The following COL15A1 variants were observed in gnomAD, a reference collection of about 807,000 sequenced individuals.
COL15A1 encodes collagen alpha-1(XV) chain.
In COL15A1, 111 loss-of-function variants were observed where a neutral mutation model predicts 165.9. The observed-to-expected ratio is 0.67, with a 90% CI of 0.57 to 0.78. The LOEUF (loss-of-function observed/expected upper bound fraction) is 0.78. Ranked by LOEUF, COL15A1 falls within the 30% of genes least tolerant of loss-of-function variation. The pLI is 0.00. For missense variants in COL15A1, 1,745 were observed against 1,789.7 expected (o/e 0.98, Z 0.45); for synonymous variants, 659 against 674.8 (o/e 0.98, Z 0.36).
intron 2 of COL15A1, among the ~76,000 whole-genome samples, chr9:98,946,594 T>G (rs1837587559): frequency 6.6e-6 from 1 of 152,212 alleles, no homozygotes; most frequent in Non-Finnish European, 1.5e-5. Context: ...TGTAACTGGG[T>G]AGATCCATAA....
intron 9 of COL15A1, among the ~76,000 whole-genome samples, chr9:99,011,531 C>T (rs1838848361): frequency 6.6e-6 from 1 of 151,028 alleles, no homozygotes; most frequent in African/African-American, 2.4e-5. Flanking sequence ...CTATAACTTT[C>T]TTTACATCTC....
chr9:98,967,172 C>T (rs1293538742), intron 2 of COL15A1, among the ~76,000 whole-genome samples: 1 of 152,188 alleles, frequency 6.6e-6, no homozygotes, highest in Non-Finnish European at 1.5e-5. Context: ...AGGTGAGGAA[C>T]AGATAACAGA....
In COL15A1 at chr9:99,066,948, C is replaced by A; in HGVS notation, c.3718C>A (p.Gln1240Lys). 6.2e-7 allele frequency: 1 copy of A among 1,614,110 alleles called. No individual in the cohort carries two copies. Among genetic ancestry groups the A allele is most frequent in the Non-Finnish European group, 8.5e-7 (1 of 1,180,008 alleles). The change falls in exon 40 of 42, where the codon CAG becomes AAG. Residue 1240 changes from glutamine (Q) to lysine (K), a missense_variant. By Grantham distance (53) the Gln-to-Lys change is moderately conservative. Transcript: ENST00000375001. ...DIRADFQCFK[Q>K]ARAAGLLSTY... ...TCGAGCTGATTTTCAGTGCTTCAAG[C>A]AGGCCAGAGCTGCAGGACTGTTGTC...
chr9:98,987,391 A>G (rs1159023993), intron 4 of COL15A1, 23 bp downstream of exon 4: 1 of 1,588,948 alleles, frequency 6.3e-7, no homozygotes, highest in Non-Finnish European at 8.6e-7. Context: ...ACTATCCCAC[A>G]GTGGGCCCTG....
chr9:99,038,857 T>C (rs896769858), intron 22 of COL15A1, 124 bp downstream of exon 22: 1 of 623,424 alleles, frequency 1.6e-6, no homozygotes, highest in Admixed American at 2.7e-5. Context: ...CAAAGTAGAA[T>C]GGAAAGAAAG....
At chr9:99,066,323 T>A (rs993068474) in intron 39 of COL15A1, among the ~76,000 whole-genome samples, 4 of 152,184 alleles carry the variant, frequency 2.6e-5, no homozygotes, top group African/African-American at 9.7e-5. Flanking sequence ...AGACCCCTAG[T>A]TCCAGAAGGG....
intron 2 of COL15A1, among the ~76,000 whole-genome samples, chr9:98,954,195 A>G (rs1837737788): frequency 6.6e-6 from 1 of 150,806 alleles, no homozygotes; most frequent in Non-Finnish European, 1.5e-5. Context: ...GGATGTGAGA[A>G]GTGTTTGTAA....
chr9:99,024,723 C>T (rs770541307), intron 14 of COL15A1, 151 bp from the exon 15 acceptor site: 257 of 767,842 alleles, frequency 3.3e-4, no homozygotes, highest in Non-Finnish European at 4.8e-4. Flanking sequence ...CGCATGGTCT[C>T]ACTGAGCCTT....
Position 99,061,992 on chromosome 9 carries a change from G to A in COL15A1, c.3424G>A (p.Asp1142Asn). The change falls in exon 37 of 42, where the codon GAT becomes AAT. Residue 1142 changes from aspartate (D) to asparagine (N), a missense_variant. Transcript: ENST00000375001. Reference sequence around the variant, plus strand: ...ACAGGTCACAGCATTCAGCAACATGGATGACATGCTGCAGAAAGCGCATTT... The same window carrying A: ...ACAGGTCACAGCATTCAGCAACATGAATGACATGCTGCAGAAAGCGCATTT... ...RNLVTAFSNM[D>N]DMLQKAHLVI... 2 of 1,613,682 alleles carry A rather than the reference G, an allele frequency of 1.2e-6. No homozygotes were observed. The highest frequency in any genetic ancestry group is 1.7e-5 in the Admixed American group (1 of 59,916).
At chr9:98,949,349 T>G (rs1278715365) in intron 2 of COL15A1, among the ~76,000 whole-genome samples, 1 of 152,254 alleles carries the variant, frequency 6.6e-6, no homozygotes, top group African/African-American at 2.4e-5. Context: ...TGAACATTCT[T>G]GTACATTTCT....
rs555467454 is a variant in COL15A1, at chr9:98,994,159, G to T, written c.805-2775G>T. 9.9e-3 allele frequency among the ~76,000 whole-genome samples: 1,507 copies of T among 151,492 alleles called. 15 individuals carry two copies. Among genetic ancestry groups the T allele is most frequent in the Non-Finnish European group, 0.017 (1,175 of 67,796 alleles). On this transcript the variant is annotated intron_variant, in intron 5 of 41. Coordinates refer to ENST00000375001, the MANE Select transcript of COL15A1 (RefSeq NM_001855.5). ...GGTTGGGGAGGCACTGTGTTGGGGGGATTGGTCTTTAAAAGCAGATTCTTG... is the reference window on the plus strand; with the variant it reads ...GGTTGGGGAGGCACTGTGTTGGGGGTATTGGTCTTTAAAAGCAGATTCTTG...
intron 14 of COL15A1, 129 bp from the exon 15 acceptor site, chr9:99,024,745 C>A: frequency 9.4e-7 from 1 of 1,061,370 alleles, no homozygotes; most frequent in Non-Finnish European, 1.4e-6. Context: ...TTTTCCGCAT[C>A]TGCTAAGTGG....
chr9:99,063,291 G>T (rs1483916401), intron 39 of COL15A1, among the ~76,000 whole-genome samples, 182 bp downstream of exon 39: 2 of 152,158 alleles, frequency 1.3e-5, no homozygotes, highest in African/African-American at 4.8e-5. Context: ...AGCACAGGGT[G>T]CTGGGGGTAT....
chr9:99,040,275 C>A (rs990270260), intron 22 of COL15A1, among the ~76,000 whole-genome samples: 2 of 152,200 alleles, frequency 1.3e-5, no homozygotes, highest in Non-Finnish European at 2.9e-5. Context: ...GTCCCTGGGC[C>A]TTGTCTGCCT....
intron 2 of COL15A1, among the ~76,000 whole-genome samples, chr9:98,945,935 C>T (rs1398689666): frequency 6.6e-6 from 1 of 152,122 alleles, no homozygotes; most frequent in African/African-American, 2.4e-5. Flanking sequence ...GTTTCTAACA[C>T]AAAGGAAGCC....
In COL15A1 at chr9:99,030,430, C is replaced by A. The variant is rs555746424; in HGVS notation, c.2044-4119C>A. Among the ~76,000 whole-genome samples the A allele has an allele frequency of 2.0e-5, 3 of 152,300 alleles. No individual in the cohort carries two copies. The East Asian group carries it at 5.8e-4, about 29-fold the overall frequency. Reference sequence around the variant, plus strand: ...TGTTCATTGGAGCTCCTCCTTTTCACCCTGCCTGTTCACATAAGTTCCAGT... The same window carrying A: ...TGTTCATTGGAGCTCCTCCTTTTCAACCTGCCTGTTCACATAAGTTCCAGT... On this transcript the variant is annotated intron_variant, in intron 16 of 41. Transcript: ENST00000375001.
intron 28 of COL15A1, among the ~76,000 whole-genome samples, chr9:99,049,473 C>A (rs1839548363): frequency 6.6e-6 from 1 of 152,210 alleles, no homozygotes; most frequent in African/African-American, 2.4e-5. Context: ...TAACCAGAGA[C>A]AATACTTGTT....
intron 23 of COL15A1, chr9:99,040,849 G>A: frequency 2.3e-6 from 1 of 444,062 alleles, no homozygotes; most frequent in African/African-American, 2.0e-5. Flanking sequence ...TTTTCTAAAG[G>A]CACATATCAT....
intron 2 of COL15A1, among the ~76,000 whole-genome samples, chr9:98,962,010 G>A (rs1837873969): frequency 6.6e-6 from 1 of 152,246 alleles, no homozygotes; most frequent in African/African-American, 2.4e-5. Context: ...AAGTGAGGAA[G>A]GTTTCTAACA....
Sources: gnomAD v4.1 joint callset for allele counts (sites outside exome capture counted in the v4.1 genomes callset) on GRCh38, gnomAD v4.1.1 for gene constraint, MANE v1.5 for transcripts, NCBI Gene and HGNC (gene_info 2026-07-23, HGNC 2026-07-21) for gene names.